Variants in RANBP17 observed in about 807,000 individuals in gnomAD.
RANBP17 encodes the protein ran-binding protein 17.
A neutral mutation model predicts 141.2 loss-of-function variants in RANBP17; 158 were observed. The observed-to-expected ratio is 1.12, with a 90% confidence interval of 0.98 to 1.28. RANBP17 has a LOEUF of 1.28. Ranked by LOEUF, RANBP17 falls within the 50% of genes most tolerant of loss-of-function variation. The probability of loss-of-function intolerance (pLI) is 0.00; values close to 1 mark genes in which losing one functional copy is unlikely to be tolerated. For missense variants in RANBP17, 1,438 were observed against 1,290.7 expected, an observed-to-expected ratio of 1.11 and a Z score of -1.75; for synonymous variants, 430 against 450.0, an observed-to-expected ratio of 0.96 and a Z score of 0.56.
Position 170,963,794 on chromosome 5 carries a change from C to G in RANBP17, c.1575-4448C>G, listed in dbSNP as rs150030423. Reference sequence around the variant, plus strand: ...CCACAGACTAGTACCGGTCTGCAGCCCAGGGTTTGGGGACCCTTGTCATAA... The same window carrying G: ...CCACAGACTAGTACCGGTCTGCAGCGCAGGGTTTGGGGACCCTTGTCATAA... On this transcript the variant is annotated intron_variant, in intron 13 of 27. Coordinates refer to ENST00000523189, the MANE Select transcript of RANBP17 (RefSeq NM_022897.5). Among the ~76,000 whole-genome samples, 17 of 152,240 alleles carry G rather than the reference C, an allele frequency of 1.1e-4. No individual in the cohort carries two copies. In the East Asian group the frequency reaches 2.9e-3, roughly 26 times the overall value.
intron 14 of RANBP17, among the ~76,000 whole-genome samples, chr5:171,102,081 C>T (rs1344194967): frequency 1.3e-5 from 2 of 152,172 alleles, no homozygotes; most frequent in South Asian, 2.1e-4. Context: ...TGGGGTTGCT[C>T]TTCTCAAGGA....
At chr5:171,174,646 T>A (rs1760313520) in intron 16 of RANBP17, among the ~76,000 whole-genome samples, 1 of 152,084 alleles carries the variant, frequency 6.6e-6, no homozygotes, top group South Asian at 2.1e-4. Context: ...GTTAACATGC[T>A]CCACTTGGGT....
intron 23 of RANBP17, among the ~76,000 whole-genome samples, chr5:171,241,763 T>G (rs1764895212): frequency 6.6e-6 from 1 of 152,142 alleles, no homozygotes; most frequent in Non-Finnish European, 1.5e-5. Flanking sequence ...ATTTTTTTAT[T>G]CTAATAGTCA....
intron 14 of RANBP17, among the ~76,000 whole-genome samples, chr5:171,156,909 GATC>G (rs1381190967): frequency 6.6e-6 from 1 of 152,032 alleles, no homozygotes; most frequent in Non-Finnish European, 1.5e-5. Context: ...TTTTCCCTAT[GATC>G]ATCAAGGGAT....
At chr5:170,964,998 GT>G (rs936346746) in intron 13 of RANBP17, among the ~76,000 whole-genome samples, 45 of 152,276 alleles carry the variant, frequency 3.0e-4, no homozygotes, top group African/African-American at 1.1e-3. Context: ...GGTTGAACTA[GT>G]TTACAGTCCC....
chr5:171,241,169 T>C lies in RANBP17; in HGVS notation c.2637+27T>C, dbSNP rs551764077. On this transcript the variant is annotated intron_variant, in intron 23 of 27. Coordinates refer to ENST00000523189, the MANE Select transcript of RANBP17 (RefSeq NM_022897.5). The stretch of plus-strand genomic sequence containing the variant: ...TAAGCAATCATGCATCATGGGAGTG[T>C]TTGTATGAAATGTGAAGTAACACCA... 14 of 1,554,304 alleles carry C rather than the reference T, an allele frequency of 9.0e-6. No homozygotes were observed. In the South Asian group the frequency reaches 1.6e-4, roughly 18 times the overall value.
chr5:170,944,279 C>CT lies in RANBP17; in HGVS notation c.1469-9311dup, dbSNP rs548146715. Among the ~76,000 whole-genome samples the CT allele has an allele frequency of 3.9e-3, 594 of 152,194 alleles. 3 individuals carry two copies. The highest frequency in any genetic ancestry group is 0.014 in the African/African-American group (572 of 41,516). On this transcript the variant is annotated intron_variant, in intron 12 of 27. Transcript: ENST00000523189. Reference sequence around the variant, plus strand: ...GTATTTGACAGCTTAATAAGAACGTCTTTTTTTGAGACAGGGTCTCACTGT... The same window carrying CT: ...GTATTTGACAGCTTAATAAGAACGTCTTTTTTTTGAGACAGGGTCTCACTGT...
intron 13 of RANBP17, among the ~76,000 whole-genome samples, chr5:170,955,689 A>C (rs1166383917): frequency 2.2e-4 from 14 of 62,980 alleles, no homozygotes; most frequent in South Asian, 7.3e-4. Context: ...TATACACTGA[A>C]TGAACTCTGT....
intron 14 of RANBP17, among the ~76,000 whole-genome samples, chr5:170,984,207 C>T (rs1777960369): frequency 6.6e-6 from 1 of 152,186 alleles, no homozygotes; most frequent in Non-Finnish European, 1.5e-5. Flanking sequence ...CAGGTCTCTA[C>T]AGACTGACCA....
chr5:171,104,403 C>T (rs1787397766), intron 14 of RANBP17, among the ~76,000 whole-genome samples: 2 of 152,188 alleles, frequency 1.3e-5, no homozygotes. Flanking sequence ...GCAATTCATT[C>T]ACTCAGAAAG....
chr5:171,057,205 A>T (rs886920573), intron 14 of RANBP17, among the ~76,000 whole-genome samples: 1 of 152,120 alleles, frequency 6.6e-6, no homozygotes, highest in African/African-American at 2.4e-5. Context: ...GTACCACTTT[A>T]ACTTTAGCCA....
At position 170,886,089 on chromosome 5, in the gene RANBP17, G is replaced by C. The variant is rs368907622; in HGVS notation, c.256+4193G>C. Reference sequence around the variant, plus strand: ...ACTTTCATGAATGTTCTCTCTGTGGGGGTTCTCTTCCATAGTGTTGACAAT... The same window carrying C: ...ACTTTCATGAATGTTCTCTCTGTGGCGGTTCTCTTCCATAGTGTTGACAAT... On this transcript the variant is annotated intron_variant, in intron 3 of 27. Coordinates refer to ENST00000523189, the MANE Select transcript of RANBP17 (RefSeq NM_022897.5). Among the ~76,000 whole-genome samples the C allele has an allele frequency of 4.0e-4, 61 of 151,926 alleles. 1 individual carries two copies. In the South Asian group the frequency reaches 0.012, roughly 31 times the overall value.
intron 12 of RANBP17, among the ~76,000 whole-genome samples, chr5:170,931,612 A>G (rs1483164806): frequency 6.6e-6 from 1 of 152,200 alleles, no homozygotes; most frequent in Non-Finnish European, 1.5e-5. Context: ...ATCCAGTTTC[A>G]GCTTTCTATA....
intron 11 of RANBP17, among the ~76,000 whole-genome samples, chr5:170,922,468 G>T (rs1336407946): frequency 1.3e-5 from 2 of 152,172 alleles, no homozygotes; most frequent in African/African-American, 2.4e-5. Flanking sequence ...AGCTGCGGTG[G>T]GCTCTGCCCA....
At chr5:171,180,377 C>T (rs891254510) in intron 16 of RANBP17, among the ~76,000 whole-genome samples, 1 of 152,188 alleles carries the variant, frequency 6.6e-6, no homozygotes, top group African/African-American at 2.4e-5. Flanking sequence ...CCATGTGTGA[C>T]ATTTCCTATA....
At chr5:170,925,182 C>T (rs188590350) in intron 12 of RANBP17, among the ~76,000 whole-genome samples, 39 of 152,144 alleles carry the variant, frequency 2.6e-4, no homozygotes, top group Admixed American at 1.3e-3. Flanking sequence ...ATTTGTTTAT[C>T]TTGTATTGGA....
intron 14 of RANBP17, among the ~76,000 whole-genome samples, chr5:171,160,164 A>G (rs1016038202): frequency 2.6e-5 from 4 of 152,090 alleles, no homozygotes; most frequent in Non-Finnish European, 5.9e-5. Context: ...AATAACACCA[A>G]ATACCACAGA....
chr5:171,076,734 G>T (rs1162771519), intron 14 of RANBP17, among the ~76,000 whole-genome samples: 1 of 152,102 alleles, frequency 6.6e-6, no homozygotes, highest in African/African-American at 2.4e-5. Context: ...AAAAGTCTCT[G>T]TTGATATTAG....
intron 3 of RANBP17, among the ~76,000 whole-genome samples, chr5:170,888,457 A>G (rs1210175719): frequency 6.6e-6 from 1 of 152,152 alleles, no homozygotes; most frequent in African/African-American, 2.4e-5. Flanking sequence ...AAATCTAAGT[A>G]TTAATATTTC....
Sources: allele counts gnomAD v4.1 joint callset (sites outside exome capture counted in the v4.1 genomes callset), GRCh38; gene constraint gnomAD v4.1.1; transcripts MANE v1.5; gene names NCBI Gene and HGNC (gene_info 2026-07-23, HGNC 2026-07-21).